The following EFHB variants were observed in gnomAD, a reference collection of about 807,000 sequenced individuals.
The protein encoded by EFHB is EF-hand domain family member B.
Under a neutral mutation model 87.2 loss-of-function variants are expected in EFHB, and 91 were observed. The ratio of observed to expected loss-of-function variants is 1.04; its 90% CI spans 0.88 to 1.24. EFHB has a LOEUF of 1.24. Among genes scored for constraint, EFHB ranks in the 50% most tolerant of loss-of-function variants. The pLI, the probability that EFHB is intolerant of heterozygous loss-of-function variation, is 0.00. For synonymous variants in EFHB, 325 were observed against 333.6 expected (o/e 0.97, Z 0.28); for missense variants, 1,084 against 998.8 (o/e 1.09, Z -1.15).
chr3:19,919,956 T>G lies in EFHB; in HGVS notation c.873A>C (p.Ala291=). ...GATATCTGAAGTTGAAATACTTTTT[T>G]GCTTCAGGTGGAGTAATTAGCTACA... is the stretch of plus-strand genomic sequence containing the variant. ...KLPRLITPPE[A]KKYFNFRYPP... is the part of the protein sequence containing the mutation. Residue 291 remains alanine (A), a synonymous_variant, in exon 3 of 13, where the codon GCA becomes GCC. Coordinates refer to ENST00000295824, the MANE Select transcript of EFHB (RefSeq NM_144715.4). 2 of 1,613,754 alleles carry G rather than the reference T, an allele frequency of 1.2e-6. No individual in the cohort carries two copies. The highest frequency in any genetic ancestry group is 1.7e-4 in the Middle Eastern group (1 of 6,056).
chr3:19,940,775 T>G (rs917823503), intron 1 of EFHB: 26 of 240,932 alleles, frequency 1.1e-4, no homozygotes, highest in Non-Finnish European at 2.0e-4. Context: ...GAGGAACACC[T>G]TGGAGTGCCA....
At chr3:19,927,575 G>C (rs141213773) in intron 1 of EFHB, among the ~76,000 whole-genome samples, 173 of 152,292 alleles carry the variant, frequency 1.1e-3, no homozygotes, top group African/African-American at 4.0e-3. Flanking sequence ...CTGAAATAAG[G>C]TGTATCTGCT....
chr3:19,940,218 C>T (rs1696125504), intron 1 of EFHB: 3 of 158,192 alleles, frequency 1.9e-5, no homozygotes, highest in East Asian at 1.9e-4. Context: ...TTGGGTCCTT[C>T]AGTGTTTTAA....
At chr3:19,938,296 A>T (rs1696069245), upstream of EFHB, among the ~76,000 whole-genome samples, 1 of 152,204 alleles carries the variant, frequency 6.6e-6, no homozygotes, top group Admixed American at 6.5e-5. Flanking sequence ...CAAAACATGA[A>T]ATTATACTCT....
chr3:19,895,900 A>G (rs574618442), intron 9 of EFHB, among the ~76,000 whole-genome samples: 31 of 152,336 alleles, frequency 2.0e-4, no homozygotes, highest in Middle Eastern at 3.4e-3. Flanking sequence ...AAGGCAGTGC[A>G]GCTCGGTAAA....
chr3:19,899,729 G>C (rs9873155), intron 6 of EFHB, among the ~76,000 whole-genome samples: 4,380 of 152,196 alleles, frequency 0.029, 216 homozygotes, highest in African/African-American at 0.099. Flanking sequence ...AATAAGGTAA[G>C]CAAACAATAT....
At position 19,887,740 on chromosome 3, in the gene EFHB, G is replaced by A. The variant is rs116175071; in HGVS notation, c.1933+704C>T. Among the ~76,000 whole-genome samples, 1,470 of 152,264 alleles carry A rather than the reference G, an allele frequency of 9.7e-3. 18 individuals carry two copies. The highest frequency in any genetic ancestry group is 0.034 in the African/African-American group (1,396 of 41,536). On this transcript the variant is annotated intron_variant, in intron 10 of 12. Transcript: ENST00000295824. ...AGCATTCAAAGCTGTCTTGAACCAA[G>A]GGTTGGACAAGCTTGATGTAAACAT...
intron 12 of EFHB, among the ~76,000 whole-genome samples, 178 bp from the exon 13 acceptor site, chr3:19,879,982 T>C (rs1213032963): frequency 6.6e-6 from 1 of 152,172 alleles, no homozygotes; most frequent in East Asian, 1.9e-4. Context: ...TGAGAAAATA[T>C]CAAAATTCTA....
Position 19,933,847 on chromosome 3 carries a change from C to T in EFHB, c.172G>A (p.Ala58Thr). Residue 58 changes from alanine to threonine, a missense_variant, in exon 1 of 13, where the codon GCA (alanine) becomes ACA (threonine). By Grantham distance (58) the Ala-to-Thr change is moderately conservative. Coordinates refer to ENST00000295824, the MANE Select transcript of EFHB (RefSeq NM_144715.4). ...AATGGAAATTTTGTTTCTGGTGGTG[C>T]CATCCTTCCCTCACACTTATTACTA... ...VVSNKCEGRM[A>T]PPETKFPLSK... The T allele has an allele frequency of 1.2e-6, 2 of 1,613,896 alleles. No individual in the cohort carries two copies. The highest frequency in any genetic ancestry group is 1.1e-5 in the South Asian group (1 of 91,066).
chr3:19,936,912 T>TAAATAAATAAAA (rs1553636183), upstream of EFHB, among the ~76,000 whole-genome samples: 17 of 140,804 alleles, frequency 1.2e-4, no homozygotes, highest in South Asian at 1.3e-3. Context: ...AATAAATAAA[T>TAAATAAATAAAA]AAAAAGTGAG....
chr3:19,932,389 G>C (rs1695857416), intron 1 of EFHB, among the ~76,000 whole-genome samples: 1 of 151,994 alleles, frequency 6.6e-6, no homozygotes, highest in Non-Finnish European at 1.5e-5. Flanking sequence ...CCTATATTCT[G>C]GGCCTTTAGA....
At chr3:19,923,084 G>C (rs569081848) in intron 1 of EFHB, among the ~76,000 whole-genome samples, 1 of 152,016 alleles carries the variant, frequency 6.6e-6, no homozygotes, top group East Asian at 1.9e-4. Context: ...TGACCAACAT[G>C]ATGAAACCCC....
intron 11 of EFHB, among the ~76,000 whole-genome samples, chr3:19,884,012 T>C (rs1026154273): frequency 3.9e-5 from 6 of 152,196 alleles, no homozygotes; most frequent in Middle Eastern, 3.2e-3. Context: ...ACATGGGGAA[T>C]GAATATGCAG....
At chr3:19,927,447 A>C (rs989554966) in intron 1 of EFHB, among the ~76,000 whole-genome samples, 1 of 152,182 alleles carries the variant, frequency 6.6e-6, no homozygotes, top group Non-Finnish European at 1.5e-5. Flanking sequence ...TTCCACATCC[A>C]TGACTGTTTT....
intron 5 of EFHB, among the ~76,000 whole-genome samples, chr3:19,913,223 T>C (rs972282247): frequency 2.6e-5 from 4 of 152,154 alleles, no homozygotes; most frequent in Non-Finnish European, 4.4e-5. Context: ...GAGAAAGATA[T>C]GAAGGGCATG....
In EFHB at chr3:19,884,104, A is replaced by C. The variant is rs188524040; in HGVS notation, c.2146+299T>G. On this transcript the variant is annotated intron_variant, in intron 11 of 12. Transcript: ENST00000295824. ...GAATCATATGGTTTTAAAATCGTCTAATATTAATACTTGGTGGAGTCTGAA... is the reference window on the plus strand; with the variant it reads ...GAATCATATGGTTTTAAAATCGTCTCATATTAATACTTGGTGGAGTCTGAA... 5.8e-3 allele frequency among the ~76,000 whole-genome samples: 878 copies of C among 152,324 alleles called. 8 individuals are homozygous for C. The highest frequency in any genetic ancestry group is 0.02 in the African/African-American group (835 of 41,564).
At chr3:19,880,202 T>A (rs186930974) in intron 12 of EFHB, among the ~76,000 whole-genome samples, 6 of 151,974 alleles carry the variant, frequency 3.9e-5, no homozygotes, top group Admixed American at 2.0e-4. Context: ...CTTGTGTATG[T>A]CACCTAAGCC....
upstream of EFHB, chr3:19,934,330 T>A (rs1481386181): frequency 3.8e-6 from 4 of 1,062,002 alleles, no homozygotes; most frequent in Non-Finnish European, 3.6e-6. Flanking sequence ...TCTCTCTCTC[T>A]CCCCTCTTCT....
In EFHB at chr3:19,898,819, G is replaced by A. The variant is rs751790501; in HGVS notation, c.1529C>T (p.Pro510Leu). The change falls in exon 8 of 13, where the codon CCA becomes CTA. Residue 510 changes from proline (P) to leucine (L), a missense_variant. Transcript: ENST00000295824. ...GAGACAAGCTCCAAATGTGCAGTCT[G>A]GGGGAACATTCATTGTTTCTGCAAT... ...DPIAETMNVP[P>L]DCTFGACLRP... is the part of the protein sequence containing the mutation. 1 of 1,613,726 alleles carries A rather than the reference G, an allele frequency of 6.2e-7. No individual in the cohort carries two copies. Among genetic ancestry groups the A allele is most frequent in the Non-Finnish European group, 8.5e-7 (1 of 1,179,788 alleles).
Sources: allele counts gnomAD v4.1 joint callset (sites outside exome capture counted in the v4.1 genomes callset), GRCh38; gene constraint gnomAD v4.1.1; transcripts MANE v1.5; gene names NCBI Gene and HGNC (gene_info 2026-07-23, HGNC 2026-07-21).